The following IQCH variants were observed in gnomAD, a reference collection of about 807,000 sequenced individuals.
The protein encoded by IQCH is IQ domain-containing protein H.
In IQCH, 98 loss-of-function variants were observed where a neutral mutation model predicts 117.0. The observed-to-expected ratio is 0.84, with a 90% CI of 0.71 to 0.99. The LOEUF (loss-of-function observed/expected upper bound fraction) is 0.99, where lower values mean the gene tolerates loss of function less well. Among genes scored for constraint, IQCH ranks in the 50% least tolerant of loss-of-function variants. The pLI, the probability that IQCH is intolerant of heterozygous loss-of-function variation, is 0.00. For synonymous variants in IQCH, 412 were observed against 448.2 expected (o/e 0.92, Z 1.02); for missense variants, 1,102 against 1,243.8 (o/e 0.89, Z 1.72).
intron 16 of IQCH, among the ~76,000 whole-genome samples, chr15:67,462,785 GAA>G (rs77178438): frequency 6.7e-6 from 1 of 148,418 alleles, no homozygotes; most frequent in Non-Finnish European, 1.5e-5. Flanking sequence ...TAGAAACTCT[GAA>G]AAAAAAAAGT....
At chr15:67,282,248 C>G (rs903429748) in intron 4 of IQCH, 9 of 152,114 alleles carry the variant, frequency 5.9e-5, no homozygotes, top group African/African-American at 2.2e-4. Context: ...CATAGTTGGT[C>G]CCCCAGACCA....
chr15:67,330,337 T>C (rs934044825), intron 4 of IQCH, among the ~76,000 whole-genome samples: 1 of 152,178 alleles, frequency 6.6e-6, no homozygotes, highest in Non-Finnish European at 1.5e-5. Context: ...GATTCCTATT[T>C]TACAGAAGAT....
intron 10 of IQCH, among the ~76,000 whole-genome samples, chr15:67,374,846 C>T (rs991592035): frequency 6.6e-6 from 1 of 152,150 alleles, no homozygotes; most frequent in East Asian, 1.9e-4. Flanking sequence ...TTGAGTCCTT[C>T]GAATAAGGTG....
At chr15:67,418,885 G>GTT (rs74266565) in intron 15 of IQCH, among the ~76,000 whole-genome samples, 1 of 144,046 alleles carries the variant, frequency 6.9e-6, no homozygotes, top group African/African-American at 2.5e-5. Flanking sequence ...GCCTAATAAG[G>GTT]TTTTTTTTTT....
chr15:67,351,947 G>A (rs1596240447), intron 6 of IQCH, among the ~76,000 whole-genome samples: 1 of 151,920 alleles, frequency 6.6e-6, no homozygotes, highest in African/African-American at 2.4e-5. Flanking sequence ...AGCATTTACT[G>A]TATTTACAGT....
At chr15:67,488,161 T>A (rs78531253) in intron 18 of IQCH, among the ~76,000 whole-genome samples, 1 of 151,880 alleles carries the variant, frequency 6.6e-6, no homozygotes, top group Non-Finnish European at 1.5e-5. Flanking sequence ...AAAAAACATA[T>A]ACAAAACTTA....
intron 6 of IQCH, among the ~76,000 whole-genome samples, chr15:67,350,904 A>T (rs1485402716): frequency 6.6e-6 from 1 of 152,218 alleles, no homozygotes. Context: ...AAAGGAAAGC[A>T]TAGGGAGCTG....
chr15:67,267,774 G>T (rs1027989928), intron 3 of IQCH, among the ~76,000 whole-genome samples: 1 of 152,124 alleles, frequency 6.6e-6, no homozygotes, highest in Non-Finnish European at 1.5e-5. Context: ...TAGATATGGG[G>T]CTTCACTTTA....
At chr15:67,274,848 A>G (rs1188175022) in intron 3 of IQCH, among the ~76,000 whole-genome samples, 1 of 151,850 alleles carries the variant, frequency 6.6e-6, no homozygotes, top group Non-Finnish European at 1.5e-5. Context: ...TTCCCCCACT[A>G]GGTTGCTGTC....
At chr15:67,367,174 A>G (rs1042926248) in intron 8 of IQCH, among the ~76,000 whole-genome samples, 3 of 152,166 alleles carry the variant, frequency 2.0e-5, no homozygotes, top group Admixed American at 6.5e-5. Context: ...CTGATACACC[A>G]CACTATGTTA....
chr15:67,400,491 C>CTTTTCTTTCTTTTT (rs776111763), intron 14 of IQCH, among the ~76,000 whole-genome samples, 186 bp downstream of exon 14: 2 of 115,600 alleles, frequency 1.7e-5, no homozygotes, highest in African/African-American at 3.2e-5. Flanking sequence ...TCTTTTTTTT[C>CTTTTCTTTCTTTTT]TTTTTTTTTT....
chr15:67,421,298 G>A lies in IQCH; in HGVS notation c.2226G>A (p.Val742=), dbSNP rs1352572659. 6.2e-7 allele frequency: 1 copy of A among 1,613,566 alleles called. No individual in the cohort carries two copies. The highest frequency in any genetic ancestry group is 1.7e-4 in the Middle Eastern group (1 of 6,060). The part of the protein sequence containing the change: ...FLQTFLSQGG[V]IEAFPPADNV... ...CCATGTTTTTCCCACCAGGGGGTGT[G>A]ATCGAAGCATTCCCACCTGCAGACA... The change falls in exon 16 of 21, where the codon GTG becomes GTA. Residue 742 remains valine, a synonymous_variant. Transcript: ENST00000335894.
rs75476071 is a variant in IQCH, at chr15:67,409,207, G to C, written c.2098-7724G>C. 5.5e-3 allele frequency among the ~76,000 whole-genome samples: 830 copies of C among 152,218 alleles called. 6 individuals carry two copies. Among genetic ancestry groups the C allele is most frequent in the African/African-American group, 0.019 (799 of 41,516 alleles). ...CAAGGACAGGGCTTGTCGGGGCTTT[G>C]ATGATGGCAATTTTGTCCCAGGGAA... is the stretch of plus-strand genomic sequence containing the variant. On this transcript the variant is annotated intron_variant, in intron 14 of 20. Coordinates refer to ENST00000335894, the MANE Select transcript of IQCH (RefSeq NM_001031715.3).
chr15:67,289,734 C>G (rs747382086), intron 4 of IQCH, among the ~76,000 whole-genome samples: 1 of 152,056 alleles, frequency 6.6e-6, no homozygotes, highest in Non-Finnish European at 1.5e-5. Context: ...TTGCTCTTAT[C>G]AACATTTAGG....
At chr15:67,382,026 C>T (rs182489334) in intron 10 of IQCH, among the ~76,000 whole-genome samples, 7 of 152,036 alleles carry the variant, frequency 4.6e-5, no homozygotes, top group African/African-American at 7.2e-5. Flanking sequence ...GGGCTTCACA[C>T]GTGTTTCATT....
chr15:67,372,122 C>G lies in IQCH; in HGVS notation c.765C>G (p.Val255=). ...RGHHDRKAMK[V]KTPLRALKSL... is the part of the protein sequence containing the mutation. Reference sequence around the variant, plus strand: ...CTTTTTTTCCACAGGCCATGAAAGTCAAAACACCTTTGAGAGCCCTGAAAT... The same window carrying G: ...CTTTTTTTCCACAGGCCATGAAAGTGAAAACACCTTTGAGAGCCCTGAAAT... The change falls in exon 9 of 21, where the codon GTC becomes GTG. Residue 255 remains valine, a synonymous_variant. Transcript: ENST00000335894. 6.2e-7 allele frequency: 1 copy of G among 1,601,932 alleles called. No homozygotes were observed.
intron 13 of IQCH, among the ~76,000 whole-genome samples, chr15:67,396,929 G>T (rs1010022362): frequency 1.3e-5 from 2 of 152,184 alleles, no homozygotes; most frequent in African/African-American, 4.8e-5. Context: ...TATGAAGGAG[G>T]TTTCTCTTAA....
At position 67,465,036 on chromosome 15, in the gene IQCH, C is replaced by T; in HGVS notation, c.2506-91C>T. 2 of 1,181,962 alleles carry T rather than the reference C, an allele frequency of 1.7e-6. No individual in the cohort carries two copies. Among genetic ancestry groups the T allele is most frequent in the Non-Finnish European group, 2.4e-6 (2 of 818,902 alleles). The allele number at this position is 1,181,962 out of a possible 1,614,324, so 73.2% of individuals were successfully genotyped here. ...CACATGGTCACTGGTTTCACTTAGT[C>T]TGATGTAGTTTGGTCTGGTTAGGCA... On this transcript the variant is annotated intron_variant, in intron 16 of 20. Transcript: ENST00000335894. This position sits in a 1 kb window ranked among gnomAD's most constrained non-coding sequence, Gnocchi z 5.9.
chr15:67,347,217 A>AG (rs369369467), intron 6 of IQCH, among the ~76,000 whole-genome samples: 125 of 149,022 alleles, frequency 8.4e-4, no homozygotes, highest in Non-Finnish European at 8.2e-4. Context: ...AAAAAAAAAA[A>AG]GGAATTCAGT....
Sources: gnomAD v4.1 joint callset for allele counts (sites outside exome capture counted in the v4.1 genomes callset) on GRCh38, gnomAD v4.1.1 for gene constraint, Gnocchi (gnomAD v3.1) non-coding constraint, MANE v1.5 for transcripts, NCBI Gene and HGNC (gene_info 2026-07-23, HGNC 2026-07-21) for gene names.